PRDM5: variants seen among roughly 807,000 people sequenced by gnomAD.
The protein encoded by PRDM5 is PR/SET domain 5, also known as PR domain zinc finger protein 5.
Under a neutral mutation model 81.2 loss-of-function variants are expected in PRDM5, and 56 were observed. That is an observed-to-expected ratio of 0.69 (90% CI 0.56 to 0.86). The LOEUF is 0.86. PRDM5 is among the 40% of genes least tolerant of loss of function. PRDM5 has a pLI of 0.00. For missense variants in PRDM5, 697 were observed against 770.1 expected, an observed-to-expected ratio of 0.91 and a Z score of 1.12; for synonymous variants, 267 against 256.4, an observed-to-expected ratio of 1.04 and a Z score of -0.39.
intron 15 of PRDM5, among the ~76,000 whole-genome samples, chr4:120,706,230 G>A (rs1736118639): frequency 6.6e-6 from 1 of 152,060 alleles, no homozygotes; most frequent in Non-Finnish European, 1.5e-5. Flanking sequence ...CAACCTCAGT[G>A]AACCTCGACT....
At chr4:120,742,991 G>T (rs1578552994) in intron 14 of PRDM5, among the ~76,000 whole-genome samples, 1 of 151,760 alleles carries the variant, frequency 6.6e-6, no homozygotes, top group East Asian at 1.9e-4. Context: ...ATTCACCAAA[G>T]TTGAAATGAA....
Position 120,799,616 on chromosome 4 carries a change from T to C in PRDM5, c.1030+45A>G, listed in dbSNP as rs1511309. 489,581 of 1,596,074 alleles carry C rather than the reference T, an allele frequency of 0.31. 76,664 individuals are homozygous for C. Among genetic ancestry groups the C allele is most frequent in the East Asian group, 0.38 (16,831 of 44,392 alleles). On this transcript the variant is annotated intron_variant, in intron 9 of 15. Coordinates refer to ENST00000264808, the MANE Select transcript of PRDM5 (RefSeq NM_018699.4). ...GTTTATAAAAAGTGACAATGTAATT[T>C]TTTTGTAATGATATCACTATAAACA...
chr4:120,867,531 G>A (rs1033292510), intron 2 of PRDM5, among the ~76,000 whole-genome samples: 1 of 151,986 alleles, frequency 6.6e-6, no homozygotes, highest in Non-Finnish European at 1.5e-5. Flanking sequence ...AACACATAAG[G>A]AAACTATTGA....
chr4:120,710,478 T>C (rs1228409882), intron 14 of PRDM5, 65 bp from the exon 15 acceptor site: 19 of 1,281,408 alleles, frequency 1.5e-5, no homozygotes, highest in Non-Finnish European at 1.9e-5. Context: ...GTCCTCCATA[T>C]TCAGGTGTGT....
chr4:120,729,990 A>G (rs1261401056), intron 14 of PRDM5, among the ~76,000 whole-genome samples: 2 of 152,216 alleles, frequency 1.3e-5, no homozygotes, highest in African/African-American at 4.8e-5. Context: ...TCAATGGGAA[A>G]TTGATACCAG....
rs577348640 is a variant in PRDM5 at position 120,760,673 on chromosome 4, T to C, written c.1538-6035A>G. 2.0e-5 allele frequency among the ~76,000 whole-genome samples: 3 copies of C among 152,160 alleles called. No homozygotes were observed. In the South Asian group the frequency reaches 6.2e-4, roughly 32 times the overall value. ...GAAGCATGATGGTAACTATAAAAAG[T>C]TGATTTTGGTTGATTTTTAAAGGTG... On this transcript the variant is annotated intron_variant, in intron 13 of 15. Transcript: ENST00000264808.
At chr4:120,793,438 C>T (rs762699861) in intron 10 of PRDM5, among the ~76,000 whole-genome samples, 5 of 152,080 alleles carry the variant, frequency 3.3e-5, no homozygotes, top group Non-Finnish European at 7.3e-5. Flanking sequence ...AAATAAAGTG[C>T]ATAATAAATA....
chr4:120,837,313 A>G (rs182500103), intron 3 of PRDM5: 2 of 152,366 alleles, frequency 1.3e-5, no homozygotes, highest in African/African-American at 4.8e-5. Flanking sequence ...ATGGATAATA[A>G]AAGTTTTTTA....
At chr4:120,918,210 C>T (rs1380429239) in intron 1 of PRDM5, among the ~76,000 whole-genome samples, 1 of 152,078 alleles carries the variant, frequency 6.6e-6, no homozygotes, top group East Asian at 1.9e-4. Flanking sequence ...TTAATAACAC[C>T]AGGAAATACA....
chr4:120,776,641 C>T (rs891922120), intron 13 of PRDM5, among the ~76,000 whole-genome samples: 31 of 152,208 alleles, frequency 2.0e-4, no homozygotes, highest in South Asian at 4.2e-4. Flanking sequence ...TTTAGTTGTT[C>T]ATTCACCCTT....
chr4:120,716,537 A>G (rs375372130), intron 14 of PRDM5, among the ~76,000 whole-genome samples: 3 of 152,288 alleles, frequency 2.0e-5, no homozygotes, highest in East Asian at 3.9e-4. Flanking sequence ...ATAACTAAGT[A>G]TATCAACAGG....
chr4:120,710,213 A>C (rs1736755791), intron 15 of PRDM5, 96 bp downstream of exon 15: 2 of 1,030,178 alleles, frequency 1.9e-6, no homozygotes, highest in Middle Eastern at 2.8e-4. Flanking sequence ...TGCAACACAC[A>C]CACACAGACA....
chr4:120,864,495 C>T (rs1419827577), intron 2 of PRDM5, among the ~76,000 whole-genome samples: 1 of 152,102 alleles, frequency 6.6e-6, no homozygotes, highest in Non-Finnish European at 1.5e-5. Context: ...TTACATGCAA[C>T]CAAAGAGGAA....
At chr4:120,901,244 G>T (rs1331165646) in intron 2 of PRDM5, among the ~76,000 whole-genome samples, 1 of 152,102 alleles carries the variant, frequency 6.6e-6, no homozygotes, top group Non-Finnish European at 1.5e-5. Context: ...TTCCCACCAT[G>T]ATGGCTATAT....
At chr4:120,889,871 C>A (rs1341673588) in intron 2 of PRDM5, among the ~76,000 whole-genome samples, 1 of 152,162 alleles carries the variant, frequency 6.6e-6, no homozygotes, top group East Asian at 1.9e-4. Flanking sequence ...CATGTTGCTA[C>A]AAAGGCATGA....
chr4:120,718,598 T>G (rs1214407817), intron 14 of PRDM5, among the ~76,000 whole-genome samples: 1 of 152,208 alleles, frequency 6.6e-6, no homozygotes. Flanking sequence ...ATGCCTTTAA[T>G]TGTATATCAT....
At chr4:120,842,156 T>G (rs1758115146) in intron 3 of PRDM5, among the ~76,000 whole-genome samples, 1 of 152,174 alleles carries the variant, frequency 6.6e-6, no homozygotes, top group Admixed American at 6.5e-5. Context: ...TAAAAAGACT[T>G]TTGACATTAA....
intron 14 of PRDM5, among the ~76,000 whole-genome samples, chr4:120,747,776 G>A (rs911830611): frequency 6.6e-6 from 1 of 152,210 alleles, no homozygotes; most frequent in Admixed American, 6.5e-5. Flanking sequence ...TTTTAATTTT[G>A]TAAGAACTAA....
chr4:120,816,406 T>TG (rs1754499627), intron 7 of PRDM5, 47 bp downstream of exon 7: 4 of 1,613,802 alleles, frequency 2.5e-6, no homozygotes, highest in African/African-American at 1.3e-5. Context: ...CGCTGCAGCC[T>TG]GGGGAAAGGA....
Sources: allele counts gnomAD v4.1 joint callset (sites outside exome capture counted in the v4.1 genomes callset), GRCh38; gene constraint gnomAD v4.1.1; transcripts MANE v1.5; gene names NCBI Gene and HGNC (gene_info 2026-07-23, HGNC 2026-07-21).